The following BLTP1 variants were observed in gnomAD, a reference collection of about 807,000 sequenced individuals.
BLTP1 encodes the protein bridge-like lipid transfer protein family member 1.
the BLTP1 span, chr4:122,347,808 C>A: frequency 1.3e-6 from 2 of 1,522,866 alleles, no homozygotes; most frequent in South Asian, 1.2e-5. Flanking sequence ...TTATCAGTAG[C>A]CCTACAGTGT....
the BLTP1 span, chr4:122,281,142 A>G: frequency 5.1e-6 from 1 of 194,710 alleles, no homozygotes; most frequent in Non-Finnish European, 9.4e-6. Flanking sequence ...TCAAATTGTT[A>G]TTATTGTTAT....
the BLTP1 span, chr4:122,207,067 C>CAACT: frequency 1.3e-6 from 2 of 1,543,612 alleles, no homozygotes; most frequent in Non-Finnish European, 1.7e-6. Context: ...TTCTGAGTTT[C>CAACT]AACTAACTTT....
chr4:122,282,023 A>T, the BLTP1 span: 1 of 980,956 alleles, frequency 1.0e-6, no homozygotes, highest in Non-Finnish European at 1.2e-6. Context: ...CATTTCTCCA[A>T]TTTAAACTTA....
chr4:122,218,846 A>C, the BLTP1 span, among the ~76,000 whole-genome samples: 1 of 152,226 alleles, frequency 6.6e-6, no homozygotes. Context: ...TCAATAACCA[A>C]GATTGGATAT....
the BLTP1 span, among the ~76,000 whole-genome samples, chr4:122,195,219 A>G: frequency 6.6e-6 from 1 of 152,216 alleles, no homozygotes; most frequent in Non-Finnish European, 1.5e-5. Flanking sequence ...TATAGATTTT[A>G]TAATCATAAC....
chr4:122,290,810 TATAC>T, the BLTP1 span: 5 of 37,530 alleles, frequency 1.3e-4, no homozygotes, highest in African/African-American at 2.4e-4. Context: ...AAAAAAAAAA[TATAC>T]ACACACACAC....
At chr4:122,175,814 T>TA in the BLTP1 span, 1 of 1,416,102 alleles carries the variant, frequency 7.1e-7, no homozygotes, top group East Asian at 2.3e-5. Context: ...AGTAAATTGT[T>TA]ACTTAAATTC....
At chr4:122,285,190 A>ACT in the BLTP1 span, among the ~76,000 whole-genome samples, 1 of 152,182 alleles carries the variant, frequency 6.6e-6, no homozygotes, top group Non-Finnish European at 1.5e-5. Flanking sequence ...ATCTTAGAGT[A>ACT]AACATATTGT....
the BLTP1 span, chr4:122,353,061 T>G: frequency 6.2e-7 from 1 of 1,614,082 alleles, no homozygotes; most frequent in South Asian, 1.1e-5. The surrounding 1 kb of genome is among the most constrained non-coding windows in gnomAD (Gnocchi z 4.3). Flanking sequence ...CATGTTTTCA[T>G]GGTCCAAATT....
the BLTP1 span, among the ~76,000 whole-genome samples, chr4:122,156,858 A>G: frequency 1.4e-4 from 22 of 152,226 alleles, no homozygotes; most frequent in African/African-American, 5.1e-4. Flanking sequence ...AGGGTACTTT[A>G]GGTAGACTTC....
the BLTP1 span, among the ~76,000 whole-genome samples, chr4:122,197,756 T>G: frequency 2.6e-5 from 4 of 152,146 alleles, no homozygotes; most frequent in Non-Finnish European, 4.4e-5. Context: ...ACATTTCATG[T>G]TAAAAATGTT....
At chr4:122,361,464 A>G in the BLTP1 span, among the ~76,000 whole-genome samples, 1 of 152,182 alleles carries the variant, frequency 6.6e-6, no homozygotes, top group East Asian at 1.9e-4. Flanking sequence ...ATGAAGGAAC[A>G]GACTAAAATG....
the BLTP1 span, chr4:122,359,861 G>A: frequency 8.8e-6 from 12 of 1,367,768 alleles, no homozygotes; most frequent in Middle Eastern, 2.7e-4. Flanking sequence ...GCTTCTGTGT[G>A]CTGTCTTTGC....
chr4:122,252,746 A>G, the BLTP1 span, among the ~76,000 whole-genome samples: 1 of 152,154 alleles, frequency 6.6e-6, no homozygotes, highest in African/African-American at 2.4e-5. Context: ...GAAGGGAAAG[A>G]CACAAGCCTG....
the BLTP1 span, among the ~76,000 whole-genome samples, chr4:122,268,725 G>C: frequency 1.3e-5 from 2 of 151,876 alleles, no homozygotes; most frequent in African/African-American, 4.8e-5. Flanking sequence ...ATTCATTTTT[G>C]TAAAATGTTA....
chr4:122,298,199 A>T, the BLTP1 span: 2 of 873,970 alleles, frequency 2.3e-6, no homozygotes, highest in Non-Finnish European at 2.7e-6. Context: ...GAATAAATAG[A>T]TAAGACAGCT....
the BLTP1 span, among the ~76,000 whole-genome samples, chr4:122,157,835 T>G: frequency 6.6e-6 from 1 of 152,224 alleles, no homozygotes; most frequent in Admixed American, 6.5e-5. Flanking sequence ...TTGGCTATTA[T>G]GTGGATCCAT....
the BLTP1 span, chr4:122,203,708 T>TA: frequency 4.7e-6 from 1 of 211,066 alleles, no homozygotes; most frequent in South Asian, 1.7e-4. Context: ...TTTTAATATT[T>TA]ATCAGTAAAG....
chr4:122,162,738 A>G, the BLTP1 span: 4 of 806,734 alleles, frequency 5.0e-6, no homozygotes, highest in Middle Eastern at 1.9e-3. Flanking sequence ...ACAACAACAA[A>G]AAAAAAACTG....
Sources: allele counts gnomAD v4.1 joint callset (sites outside exome capture counted in the v4.1 genomes callset), GRCh38; gene constraint gnomAD v4.1.1; non-coding constraint Gnocchi (gnomAD v3.1); transcripts MANE v1.5; gene names NCBI Gene and HGNC (gene_info 2026-07-23, HGNC 2026-07-21).